The following RPS6KC1 variants were observed in gnomAD, a reference collection of about 807,000 sequenced individuals.
RPS6KC1 encodes inactive ribosomal protein S6 kinase delta-1.
Under a neutral mutation model 103.8 loss-of-function variants are expected in RPS6KC1, and 54 were observed. That is an observed-to-expected ratio of 0.52 (90% CI 0.42 to 0.65). RPS6KC1 has a LOEUF of 0.65. Among genes scored for constraint, RPS6KC1 ranks in the 30% least tolerant of loss-of-function variants. RPS6KC1 has a pLI of 0.00. For missense variants in RPS6KC1, 1,151 were observed against 1,253.8 expected (o/e 0.92, Z 1.24); for synonymous variants, 439 against 438.7 (o/e 1.00, Z -0.01).
the RPS6KC1 span, among the ~76,000 whole-genome samples, chr1:213,823,969 A>C: frequency 7.1e-6 from 1 of 141,448 alleles, no homozygotes; most frequent in Non-Finnish European, 1.6e-5. Context: ...CACAGCCAGT[A>C]AGAGAACAGG....
At chr1:213,362,075 G>A in the RPS6KC1 span, among the ~76,000 whole-genome samples, 1 of 152,120 alleles carries the variant, frequency 6.6e-6, no homozygotes, top group Non-Finnish European at 1.5e-5. Context: ...TGTATTGCCA[G>A]GGTACCAGGC....
the RPS6KC1 span, among the ~76,000 whole-genome samples, chr1:213,303,422 C>T: frequency 1.3e-5 from 2 of 152,186 alleles, no homozygotes; most frequent in Admixed American, 6.5e-5. Context: ...TGAGACTCCT[C>T]CCAGCTCTGA....
the RPS6KC1 span, among the ~76,000 whole-genome samples, chr1:213,519,608 C>G: frequency 6.6e-6 from 1 of 152,150 alleles, no homozygotes; most frequent in Admixed American, 6.6e-5. Flanking sequence ...ATTTTCACAG[C>G]CATAGCAGCT....
chr1:213,855,303 T>TA, the RPS6KC1 span, among the ~76,000 whole-genome samples: 3 of 152,164 alleles, frequency 2.0e-5, no homozygotes, highest in Non-Finnish European at 1.5e-5. Context: ...GAAAAACGCT[T>TA]ATCAAGTCGT....
chr1:213,395,937 C>T, the RPS6KC1 span, among the ~76,000 whole-genome samples: 1 of 152,316 alleles, frequency 6.6e-6, no homozygotes, highest in East Asian at 1.9e-4. Context: ...AAAAGGAAGG[C>T]TCCGAACGGA....
chr1:213,405,345 G>A, the RPS6KC1 span, among the ~76,000 whole-genome samples: 1 of 152,250 alleles, frequency 6.6e-6, no homozygotes, highest in African/African-American at 2.4e-5. Context: ...CAAAATGTCG[G>A]GTTGGAGCCG....
the RPS6KC1 span, among the ~76,000 whole-genome samples, chr1:213,530,279 A>G: frequency 0.64 from 97,431 of 152,012 alleles, 33,560 homozygotes; most frequent in East Asian, 0.98. Flanking sequence ...TTTCTTTCCA[A>G]TATTTTGCTG....
chr1:213,261,847 AAAGTT>A (rs1280944992), intron 13 of RPS6KC1, among the ~76,000 whole-genome samples: 2 of 152,208 alleles, frequency 1.3e-5, no homozygotes, highest in African/African-American at 4.8e-5. Context: ...AATTGATGGT[AAAGTT>A]ATTTTATGTC....
At chr1:213,296,342 A>T in the RPS6KC1 span, among the ~76,000 whole-genome samples, 1 of 152,226 alleles carries the variant, frequency 6.6e-6, no homozygotes, top group African/African-American at 2.4e-5. Flanking sequence ...TTTTTCACCA[A>T]GGATAATTAA....
intron 6 of RPS6KC1, among the ~76,000 whole-genome samples, chr1:213,142,073 A>G (rs1271524601): frequency 2.6e-5 from 4 of 152,060 alleles, no homozygotes; most frequent in Non-Finnish European, 5.9e-5. Flanking sequence ...GTGCATATAT[A>G]TTTAGGATAG....
the RPS6KC1 span, among the ~76,000 whole-genome samples, chr1:213,537,561 C>T: frequency 6.6e-6 from 1 of 152,170 alleles, no homozygotes; most frequent in East Asian, 1.9e-4. Context: ...CTGCTTGACA[C>T]AGAAGCCTTT....
At chr1:213,116,649 G>A (rs1484389559) in intron 4 of RPS6KC1, among the ~76,000 whole-genome samples, 2 of 151,510 alleles carry the variant, frequency 1.3e-5, no homozygotes, top group African/African-American at 4.9e-5. Context: ...TCCTAGTCTC[G>A]ATGGTCTTTA....
the RPS6KC1 span, among the ~76,000 whole-genome samples, chr1:213,760,932 G>A: frequency 7.9e-6 from 1 of 126,202 alleles, no homozygotes; most frequent in African/African-American, 3.0e-5. Flanking sequence ...CATCGCATTT[G>A]GGGGGAAAAT....
chr1:213,718,031 G>A, the RPS6KC1 span, among the ~76,000 whole-genome samples: 1 of 152,188 alleles, frequency 6.6e-6, no homozygotes, highest in East Asian at 1.9e-4. Flanking sequence ...GAGAGGCCAC[G>A]GAGGCATCAT....
At chr1:213,470,072 A>AT in the RPS6KC1 span, among the ~76,000 whole-genome samples, 4 of 152,098 alleles carry the variant, frequency 2.6e-5, no homozygotes, top group African/African-American at 9.7e-5. Context: ...ATCCCAAACA[A>AT]TTTCTTATTG....
At chr1:213,755,150 G>A in the RPS6KC1 span, among the ~76,000 whole-genome samples, 1 of 152,180 alleles carries the variant, frequency 6.6e-6, no homozygotes, top group Admixed American at 6.5e-5. Context: ...CAGAAAAGGA[G>A]GGAGAGCTTG....
the RPS6KC1 span, among the ~76,000 whole-genome samples, chr1:213,284,070 T>TA: frequency 1.3e-5 from 2 of 151,818 alleles, no homozygotes; most frequent in South Asian, 4.2e-4. Context: ...AGAGTAAAAC[T>TA]AATAATTACA....
the RPS6KC1 span, among the ~76,000 whole-genome samples, chr1:213,722,352 T>C: frequency 6.6e-6 from 1 of 152,176 alleles, no homozygotes; most frequent in Non-Finnish European, 1.5e-5. Context: ...GGGTTTGGAA[T>C]TCTCTACCCT....
chr1:213,113,747 G>A (rs1274756202), intron 4 of RPS6KC1, among the ~76,000 whole-genome samples: 1 of 152,106 alleles, frequency 6.6e-6, no homozygotes, highest in Non-Finnish European at 1.5e-5. Flanking sequence ...TGAGGTGTAA[G>A]GAAGGGATCC....
Sources: allele counts gnomAD v4.1 joint callset (sites outside exome capture counted in the v4.1 genomes callset), GRCh38; gene constraint gnomAD v4.1.1; transcripts MANE v1.5; gene names NCBI Gene and HGNC (gene_info 2026-07-23, HGNC 2026-07-21).